The following TUSC3 variants were observed in gnomAD, a reference collection of about 807,000 sequenced individuals.
The protein encoded by TUSC3 is tumor suppressor candidate 3.
TUSC3 carries 45 observed loss-of-function variants against 44.8 expected under a neutral mutation model. The ratio of observed to expected loss-of-function variants is 1.00; its 90% CI spans 0.79 to 1.29. The LOEUF (loss-of-function observed/expected upper bound fraction) is 1.29, where lower values mean the gene tolerates loss of function less well. TUSC3 is among the 50% of genes most tolerant of loss of function. TUSC3 has a pLI of 0.00. For missense variants in TUSC3, 519 were observed against 437.9 expected (o/e 1.19, Z -1.65); for synonymous variants, 212 against 152.9 (o/e 1.39, Z -2.85).
intron 2 of TUSC3, among the ~76,000 whole-genome samples, chr8:15,530,618 G>A (rs1003152243): frequency 6.6e-6 from 1 of 152,082 alleles, no homozygotes; most frequent in East Asian, 1.9e-4. Flanking sequence ...GATTAGAGTA[G>A]GGATTAAAAA....
chr8:15,785,240 G>A, the TUSC3 span, among the ~76,000 whole-genome samples: 36,949 of 151,762 alleles, frequency 0.24, 4,523 homozygotes, highest in South Asian at 0.31. Flanking sequence ...AAGAAGATCT[G>A]TTACCTATAT....
chr8:15,802,328 G>C, the TUSC3 span, among the ~76,000 whole-genome samples: 1 of 152,164 alleles, frequency 6.6e-6, no homozygotes, highest in Admixed American at 6.6e-5. Context: ...TGTTTTGCTT[G>C]TGCATGGTGC....
intron 1 of TUSC3, among the ~76,000 whole-genome samples, chr8:15,427,319 C>G (rs190908847): frequency 4.6e-5 from 7 of 151,200 alleles, no homozygotes; most frequent in African/African-American, 1.7e-4. Context: ...CTCCCACACA[C>G]GCACACACCA....
intron 1 of TUSC3, among the ~76,000 whole-genome samples, chr8:15,565,883 A>G (rs1036645704): frequency 6.6e-5 from 10 of 152,094 alleles, no homozygotes; most frequent in Non-Finnish European, 1.0e-4. Flanking sequence ...GCTCTGTACT[A>G]TTATATGGAT....
At chr8:15,827,824 G>C in the TUSC3 span, among the ~76,000 whole-genome samples, 2 of 152,190 alleles carry the variant, frequency 1.3e-5, no homozygotes, top group East Asian at 3.9e-4. Context: ...ATTTAGATGA[G>C]AGTTGATGCC....
intron 3 of TUSC3, among the ~76,000 whole-genome samples, chr8:15,656,163 C>T (rs1807154669): frequency 6.6e-6 from 1 of 152,048 alleles, no homozygotes; most frequent in Admixed American, 6.5e-5. Context: ...CTGCCCCTAA[C>T]CCTACCAAAC....
intron 3 of TUSC3, among the ~76,000 whole-genome samples, chr8:15,651,550 G>GA (rs1406160012): frequency 3.3e-5 from 5 of 152,158 alleles, no homozygotes; most frequent in Non-Finnish European, 7.4e-5. Flanking sequence ...GTCCATATAA[G>GA]ACGAGGAATC....
chr8:15,833,688 AAGGTAG>A, the TUSC3 span, among the ~76,000 whole-genome samples: 84,795 of 151,146 alleles, frequency 0.56, 26,289 homozygotes, highest in Non-Finnish European at 0.72. Flanking sequence ...GACCTAACAA[AAGGTAG>A]AGGGTGGGAG....
the TUSC3 span, among the ~76,000 whole-genome samples, chr8:15,804,990 A>G: frequency 6.6e-6 from 1 of 152,024 alleles, no homozygotes; most frequent in Non-Finnish European, 1.5e-5. Context: ...TGTTTGTGTC[A>G]TCTGTATTTT....
chr8:15,623,750 A>G (rs201642202), intron 2 of TUSC3, among the ~76,000 whole-genome samples: 114 of 152,290 alleles, frequency 7.5e-4, no homozygotes, highest in Non-Finnish European at 1.3e-3. Flanking sequence ...CTTGTCCAAA[A>G]GTATACAACA....
intron 2 of TUSC3, among the ~76,000 whole-genome samples, chr8:15,634,966 C>CAAGT (rs1805997693): frequency 7.2e-5 from 11 of 152,162 alleles, no homozygotes; most frequent in Admixed American, 7.2e-4. Flanking sequence ...TACACTCAGC[C>CAAGT]AAGTGGTCAT....
intron 2 of TUSC3, among the ~76,000 whole-genome samples, chr8:15,631,288 C>G (rs935694081): frequency 3.3e-5 from 5 of 152,160 alleles, no homozygotes; most frequent in African/African-American, 9.7e-5. Context: ...TGTTAACTTT[C>G]TTCCTAGGTG....
Position 15,692,368 on chromosome 8 carries a change from C to A in TUSC3, c.798+18532C>A, listed in dbSNP as rs376984550. Among the ~76,000 whole-genome samples, 140 of 101,492 alleles carry A rather than the reference C, an allele frequency of 1.4e-3. 3 individuals carry two copies. The highest frequency in any genetic ancestry group is 0.011 in the Middle Eastern group (2 of 184). 66.6% of individuals were successfully genotyped at this position (101,492 alleles called of 152,430 possible). On this transcript the variant is annotated intron_variant, in intron 6 of 10. Transcript: ENST00000503731. The stretch of plus-strand genomic sequence containing the variant: ...GAGTTTGGGAGGAGACCCCCCCCCC[C>A]CCCTTTGTTTTTTTTTTTTTTTTTT...
chr8:15,528,980 C>G (rs1011264824), intron 2 of TUSC3, among the ~76,000 whole-genome samples: 3 of 152,156 alleles, frequency 2.0e-5, no homozygotes, highest in African/African-American at 7.2e-5. Flanking sequence ...AGTTAATAAC[C>G]AATGAACAGT....
chr8:15,727,641 T>G (rs1402991445), intron 6 of TUSC3, among the ~76,000 whole-genome samples: 1 of 152,192 alleles, frequency 6.6e-6, no homozygotes, highest in African/African-American at 2.4e-5. Flanking sequence ...TATTATATTT[T>G]AAAACTATCA....
chr8:15,571,187 C>G (rs898155830), intron 1 of TUSC3, among the ~76,000 whole-genome samples: 2 of 151,832 alleles, frequency 1.3e-5, no homozygotes, highest in Non-Finnish European at 2.9e-5. Context: ...CTCCTGACTT[C>G]AGGGGATCCA....
At chr8:15,815,835 T>C in the TUSC3 span, among the ~76,000 whole-genome samples, 1 of 152,142 alleles carries the variant, frequency 6.6e-6, no homozygotes, top group Non-Finnish European at 1.5e-5. Context: ...AGCTACAAAC[T>C]ACAGAATTGC....
intron 7 of TUSC3, among the ~76,000 whole-genome samples, chr8:15,732,798 C>G (rs548743974): frequency 2.6e-5 from 4 of 152,138 alleles, no homozygotes; most frequent in Non-Finnish European, 5.9e-5. Context: ...AGATACCTTT[C>G]TGAAACTCAT....
chr8:15,664,856 T>C (rs923857930), intron 5 of TUSC3, among the ~76,000 whole-genome samples: 4 of 150,656 alleles, frequency 2.7e-5, no homozygotes, highest in African/African-American at 7.3e-5. Flanking sequence ...GTTACACATA[T>C]GTATATATAA....
Sources: allele counts gnomAD v4.1 joint callset (sites outside exome capture counted in the v4.1 genomes callset), GRCh38; gene constraint gnomAD v4.1.1; transcripts MANE v1.5; gene names NCBI Gene and HGNC (gene_info 2026-07-23, HGNC 2026-07-21).